Variants in VEPH1 observed in about 807,000 individuals in gnomAD.
The protein encoded by VEPH1 is ventricular zone-expressed PH domain-containing protein homolog 1.
A neutral mutation model predicts 85.2 loss-of-function variants in VEPH1; 80 were observed. That is an observed-to-expected ratio of 0.94 (90% confidence interval 0.78 to 1.13). The LOEUF (loss-of-function observed/expected upper bound fraction) is 1.13. VEPH1 is among the 50% of genes most tolerant of loss of function. The pLI, the probability that VEPH1 is intolerant of heterozygous loss-of-function variation, is 0.00. For synonymous variants in VEPH1, 297 were observed against 348.0 expected, an observed-to-expected ratio of 0.85 and a Z score of 1.63; for missense variants, 955 against 980.5, an observed-to-expected ratio of 0.97 and a Z score of 0.35.
At chr3:157,426,921 C>T (rs1732797479) in intron 5 of VEPH1, among the ~76,000 whole-genome samples, 1 of 151,676 alleles carries the variant, frequency 6.6e-6, no homozygotes. Context: ...AATTCTCCTG[C>T]CTCAGCCTCC....
At chr3:157,468,850 G>A (rs544788157) in intron 3 of VEPH1, among the ~76,000 whole-genome samples, 39 of 151,700 alleles carry the variant, frequency 2.6e-4, no homozygotes, top group African/African-American at 4.4e-4. Flanking sequence ...AAATATATTC[G>A]TATTCTTTTT....
intron 9 of VEPH1, among the ~76,000 whole-genome samples, chr3:157,350,617 T>C (rs1724757181): frequency 6.6e-6 from 1 of 152,050 alleles, no homozygotes; most frequent in African/African-American, 2.4e-5. Context: ...TGCAAACTAT[T>C]CATACAACAG....
In VEPH1 at chr3:157,438,054, C is replaced by T. The variant is rs568910652; in HGVS notation, c.530-9566G>A. The T allele has an allele frequency of 6.2e-3, 4,588 of 742,334 alleles. 20 individuals carry two copies. The highest frequency in any genetic ancestry group is 8.0e-3 in the Non-Finnish European group (3,784 of 472,952). 46.0% of individuals were successfully genotyped at this position (742,334 alleles called of 1,614,324 possible). On this transcript the variant is annotated intron_variant, in intron 4 of 13. Coordinates refer to ENST00000362010, the MANE Select transcript of VEPH1 (RefSeq NM_001167912.2). ...GCGCGCGCGCACACACACACACACA[C>T]ACACACACACACACACACCCCTATT... is the stretch of plus-strand genomic sequence containing the variant.
At chr3:157,402,422 C>A (rs571174011) in intron 6 of VEPH1, among the ~76,000 whole-genome samples, 1 of 151,998 alleles carries the variant, frequency 6.6e-6, no homozygotes, top group South Asian at 2.1e-4. Context: ...CTGCCTAAAG[C>A]GGAAGGAAGT....
chr3:157,426,794 G>A (rs1026314455), intron 5 of VEPH1, among the ~76,000 whole-genome samples: 3 of 147,116 alleles, frequency 2.0e-5, no homozygotes, highest in East Asian at 2.0e-4. Context: ...CCACAGATTC[G>A]CAAATCTGTT....
intron 10 of VEPH1, chr3:157,316,241 A>G (rs1720743600): frequency 6.6e-6 from 1 of 152,072 alleles, no homozygotes; most frequent in African/African-American, 2.4e-5. Context: ...AGAAGTAAAT[A>G]AAGTGTCATA....
At chr3:157,419,227 C>A in intron 5 of VEPH1, among the ~76,000 whole-genome samples, 1 of 151,958 alleles carries the variant, frequency 6.6e-6, no homozygotes, top group South Asian at 2.1e-4. Context: ...AGATCAAAAC[C>A]CTAAAAGAAA....
At chr3:157,453,153 AC>A (rs1338398355) in intron 4 of VEPH1, among the ~76,000 whole-genome samples, 1 of 152,180 alleles carries the variant, frequency 6.6e-6, no homozygotes, top group African/African-American at 2.4e-5. Flanking sequence ...AGAGGCCTAC[AC>A]CAATCGCAAA....
intron 7 of VEPH1, among the ~76,000 whole-genome samples, chr3:157,371,821 G>C (rs944755868): frequency 6.6e-6 from 1 of 152,052 alleles, no homozygotes; most frequent in East Asian, 1.9e-4. Context: ...GTACATTTTC[G>C]GGTTTTGCTG....
chr3:157,437,830 G>C lies in VEPH1; in HGVS notation c.530-9342C>G. 3 of 1,470,066 alleles carry C rather than the reference G, an allele frequency of 2.0e-6. No homozygotes were observed. Among genetic ancestry groups the C allele is most frequent in the South Asian group, 2.6e-5 (2 of 75,908 alleles). The allele number at this position is 1,470,066 out of a possible 1,614,324, so 91.1% of individuals were successfully genotyped here. A position where few individuals can be genotyped will look rare whatever the true frequency, so the allele number is the denominator to read the frequency against. The stretch of plus-strand genomic sequence containing the variant: ...CCCAGAGGAGGCGGGGCGCGCCCTG[G>C]CCGCGGTGCTAGAGGAGCTGCGGCA... On this transcript the variant is annotated intron_variant, in intron 4 of 13. Transcript: ENST00000362010.
intron 4 of VEPH1, chr3:157,437,544 G>A (rs1364883781): frequency 1.2e-6 from 2 of 1,606,124 alleles, no homozygotes; most frequent in South Asian, 1.1e-5. Context: ...AGGAGCACTC[G>A]GAATGGGACA....
chr3:157,265,576 G>T lies in VEPH1; in HGVS notation c.2215C>A (p.Arg739Ser), dbSNP rs151166199. 5.0e-6 allele frequency: 8 copies of T among 1,613,362 alleles called. No homozygotes were observed. The highest frequency in any genetic ancestry group is 2.2e-5 in the South Asian group (2 of 90,960). The change falls in exon 13 of 14, where the codon CGC becomes AGC. Residue 739 changes from arginine (R) to serine (S), a missense_variant. Coordinates refer to ENST00000362010, the MANE Select transcript of VEPH1 (RefSeq NM_001167912.2). ...RWKFIKRWKT[R>S]YFTLAGNQLL... ...TGATTTCCAGCCAGTGTAAAATAGC[G>T]TGTTTTCCACCTTTTGATGAACTTC...
chr3:157,454,308 A>G (rs774927718), intron 4 of VEPH1, among the ~76,000 whole-genome samples: 17 of 152,202 alleles, frequency 1.1e-4, no homozygotes, highest in Non-Finnish European at 2.4e-4. Flanking sequence ...ATTATTAATG[A>G]CAAATCTTTA....
intron 7 of VEPH1, among the ~76,000 whole-genome samples, chr3:157,377,786 AT>A (rs1192989703): frequency 6.6e-6 from 1 of 152,176 alleles, no homozygotes; most frequent in Non-Finnish European, 1.5e-5. Context: ...TTAAACCTCT[AT>A]CCTTTATAAA....
Position 157,261,382 on chromosome 3 carries a change from G to A in VEPH1, c.2266-12C>T. The A allele has an allele frequency of 6.2e-7, 1 of 1,612,394 alleles. No individual in the cohort carries two copies. Among genetic ancestry groups the A allele is most frequent in the Non-Finnish European group, 8.5e-7 (1 of 1,179,012 alleles). The stretch of plus-strand genomic sequence containing the variant: ...TCAGGGTCATCTTTCTGAAAGGCAT[G>A]GGAAGAAAAGAACATGGGCTGGCTG... On this transcript the variant is annotated splice_polypyrimidine_tract_variant and intron_variant, in intron 13 of 13. Transcript: ENST00000362010.
chr3:157,353,369 G>A (rs571701824), intron 9 of VEPH1, among the ~76,000 whole-genome samples: 1 of 152,224 alleles, frequency 6.6e-6, no homozygotes, highest in East Asian at 1.9e-4. Context: ...CTGGGCTCAA[G>A]TGATTCTCCT....
chr3:157,400,032 G>T (rs1730691475), intron 6 of VEPH1, among the ~76,000 whole-genome samples: 1 of 151,882 alleles, frequency 6.6e-6, no homozygotes, highest in African/African-American at 2.4e-5. Context: ...AACCCTATTA[G>T]AATTTAAACA....
chr3:157,284,743 G>A (rs1716563949), intron 12 of VEPH1, among the ~76,000 whole-genome samples: 1 of 151,544 alleles, frequency 6.6e-6, no homozygotes, highest in Non-Finnish European at 1.5e-5. Flanking sequence ...AAGGAAATGA[G>A]CAAAGAAATC....
rs150329771 is a variant in VEPH1 at position 157,456,252 on chromosome 3, G to A, written c.529+3929C>T. Among the ~76,000 whole-genome samples, 4 of 152,000 alleles carry A rather than the reference G, an allele frequency of 2.6e-5. No individual in the cohort carries two copies. In the East Asian group the frequency reaches 7.7e-4, roughly 29 times the overall value. ...TTTCTTTAAGTTTCTTATAGATGTT[G>A]GATATTAGACCTTTGTCAGATGCAT... On this transcript the variant is annotated intron_variant, in intron 4 of 13. Coordinates refer to ENST00000362010, the MANE Select transcript of VEPH1 (RefSeq NM_001167912.2).
Sources: allele counts gnomAD v4.1 joint callset (sites outside exome capture counted in the v4.1 genomes callset), GRCh38; gene constraint gnomAD v4.1.1; transcripts MANE v1.5; gene names NCBI Gene and HGNC (gene_info 2026-07-23, HGNC 2026-07-21).